Variants in ATP10B observed in about 807,000 individuals in gnomAD.
ATP10B encodes ATPase phospholipid transporting 10B (putative).
Under a neutral mutation model 141.2 loss-of-function variants are expected in ATP10B, and 122 were observed. The ratio of observed to expected loss-of-function variants is 0.86; its 90% CI spans 0.75 to 1.00. The LOEUF (loss-of-function observed/expected upper bound fraction) is 1.00. Among genes scored for constraint, ATP10B ranks in the 50% least tolerant of loss-of-function variants. The pLI is 0.00. For missense variants in ATP10B, 1,876 were observed against 1,825.3 expected (o/e 1.03, Z -0.51); for synonymous variants, 685 against 692.0 (o/e 0.99, Z 0.16).
chr5:160,880,789 A>T, the ATP10B span, among the ~76,000 whole-genome samples: 1 of 152,246 alleles, frequency 6.6e-6, no homozygotes, highest in Non-Finnish European at 1.5e-5. Context: ...ACAAAGATTA[A>T]ATCAAAATGG....
chr5:160,874,640 A>T, the ATP10B span, among the ~76,000 whole-genome samples: 1 of 152,186 alleles, frequency 6.6e-6, no homozygotes, highest in Non-Finnish European at 1.5e-5. Flanking sequence ...CTTTGAAAAA[A>T]ATGTAGAAGA....
At chr5:160,628,417 T>C (rs781222849) in intron 13 of ATP10B, among the ~76,000 whole-genome samples, 3 of 152,234 alleles carry the variant, frequency 2.0e-5, no homozygotes, top group Non-Finnish European at 4.4e-5. Context: ...TCAGGACTCT[T>C]ATCTAACCTT....
the ATP10B span, among the ~76,000 whole-genome samples, chr5:160,878,750 CA>C: frequency 6.6e-6 from 1 of 152,046 alleles, no homozygotes; most frequent in Non-Finnish European, 1.5e-5. Flanking sequence ...CTTCTCAAAA[CA>C]AGACATTTAT....
At chr5:160,607,110 G>A in intron 18 of ATP10B, 24 bp from the exon 19 acceptor site, 1 of 1,575,362 alleles carries the variant, frequency 6.3e-7, no homozygotes, top group African/African-American at 1.4e-5. Flanking sequence ...TAATAATACA[G>A]TATTTGTAAG....
At chr5:160,894,839 G>T in the ATP10B span, among the ~76,000 whole-genome samples, 7 of 152,320 alleles carry the variant, frequency 4.6e-5, no homozygotes, top group South Asian at 1.2e-3. Context: ...AAGCCCATCA[G>T]ACTAACAGTG....
At position 160,785,744 on chromosome 5, in the gene ATP10B, C is replaced by T. The variant is rs1451119746; in HGVS notation, c.-516G>A. 7 of 1,211,036 alleles carry T rather than the reference C, an allele frequency of 5.8e-6. No homozygotes were observed. Among genetic ancestry groups the T allele is most frequent in the East Asian group, 5.8e-5 (1 of 17,176 alleles). 75.0% of individuals were successfully genotyped at this position (1,211,036 alleles called of 1,614,324 possible). A position where few individuals can be genotyped will look rare whatever the true frequency, so the allele number is the denominator to read the frequency against. On this transcript the variant is annotated 5_prime_UTR_variant, in exon 2 of 26. In the 5' UTR this introduces an upstream ATG that the reference lacks. Coordinates refer to ENST00000327245, the MANE Select transcript of ATP10B (RefSeq NM_025153.3). ...TAGGAAAAACTACTTACTCTTCACA[C>T]TGTTGCTTTCATTGAAACAAATGTC...
the ATP10B span, among the ~76,000 whole-genome samples, chr5:160,865,909 A>C: frequency 6.6e-6 from 1 of 152,142 alleles, no homozygotes; most frequent in Admixed American, 6.6e-5. Flanking sequence ...AAAGTCAAAA[A>C]ACAATAGATG....
At chr5:160,598,264 A>C (rs923583272) in intron 22 of ATP10B, among the ~76,000 whole-genome samples, 1 of 152,060 alleles carries the variant, frequency 6.6e-6, no homozygotes, top group African/African-American at 2.4e-5. Flanking sequence ...GGAAATCATC[A>C]TTCTCAGTAA....
Position 160,676,528 on chromosome 5 carries a change from C to T in ATP10B, c.471-5861G>A, listed in dbSNP as rs188975937. ...CTTCTATTTTAAAGTACGTAAGAAG[C>T]TTGCTAAGAGCTGCGATGATCCTGG... On this transcript the variant is annotated intron_variant, in intron 6 of 25. Transcript: ENST00000327245. Among the ~76,000 whole-genome samples, 110 of 152,268 alleles carry T rather than the reference C, an allele frequency of 7.2e-4. 1 individual carries two copies. Among genetic ancestry groups the T allele is most frequent in the African/African-American group, 2.6e-3 (107 of 41,556 alleles).
chr5:160,570,104 G>C (rs1754784933), intron 24 of ATP10B, among the ~76,000 whole-genome samples: 1 of 151,924 alleles, frequency 6.6e-6, no homozygotes, highest in African/African-American at 2.4e-5. Flanking sequence ...AAGCAGCGCA[G>C]TATTCTGTTT....
At chr5:160,717,810 G>A (rs1235338809) in intron 2 of ATP10B, among the ~76,000 whole-genome samples, 1 of 152,160 alleles carries the variant, frequency 6.6e-6, no homozygotes, top group East Asian at 1.9e-4. Context: ...ATGCTGTACT[G>A]AGACACTTAA....
chr5:160,862,405 G>A, the ATP10B span, among the ~76,000 whole-genome samples: 1 of 151,880 alleles, frequency 6.6e-6, no homozygotes, highest in Non-Finnish European at 1.5e-5. Flanking sequence ...TTACCCTGTG[G>A]ATTTCACACT....
At chr5:160,893,249 C>T in the ATP10B span, among the ~76,000 whole-genome samples, 4 of 152,264 alleles carry the variant, frequency 2.6e-5, no homozygotes, top group East Asian at 7.7e-4. Context: ...AGTGGTCTAG[C>T]TCAGCAGATC....
the ATP10B span, among the ~76,000 whole-genome samples, chr5:160,867,155 CAT>C: frequency 6.6e-6 from 1 of 151,804 alleles, no homozygotes; most frequent in African/African-American, 2.4e-5. Flanking sequence ...GTAGCAGTCA[CAT>C]AAATCTGTGT....
chr5:160,569,740 G>A (rs1179407353), intron 24 of ATP10B, 57 bp from the exon 25 acceptor site: 1 of 1,332,650 alleles, frequency 7.5e-7, no homozygotes, highest in East Asian at 2.6e-5. Context: ...AGGAGGCAGG[G>A]TGATCAAACT....
At chr5:160,759,651 T>C (rs1014667629) in intron 2 of ATP10B, among the ~76,000 whole-genome samples, 4 of 152,230 alleles carry the variant, frequency 2.6e-5, no homozygotes, top group African/African-American at 9.6e-5. Flanking sequence ...ATAGGAACTG[T>C]CAATATGTCT....
the ATP10B span, among the ~76,000 whole-genome samples, chr5:160,872,785 G>A: frequency 2.6e-5 from 4 of 152,168 alleles, no homozygotes; most frequent in Admixed American, 2.0e-4. Flanking sequence ...CGGCCTTAGA[G>A]TATAGTTTGA....
chr5:160,624,741 C>T (rs982309002), intron 13 of ATP10B, among the ~76,000 whole-genome samples: 2 of 152,140 alleles, frequency 1.3e-5, no homozygotes, highest in African/African-American at 4.8e-5. Flanking sequence ...AAATGAATCC[C>T]GACTTAACTA....
upstream of ATP10B, among the ~76,000 whole-genome samples, chr5:160,854,286 C>T (rs888531425): frequency 6.6e-6 from 1 of 152,104 alleles, no homozygotes; most frequent in African/African-American, 2.4e-5. Flanking sequence ...ATCAACCCGT[C>T]ACCTACATTT....
Sources: allele counts gnomAD v4.1 joint callset (sites outside exome capture counted in the v4.1 genomes callset), GRCh38; gene constraint gnomAD v4.1.1; transcripts MANE v1.5; gene names NCBI Gene and HGNC (gene_info 2026-07-23, HGNC 2026-07-21).